Variants in DTNA observed in about 807,000 individuals in gnomAD.
The protein encoded by DTNA is dystrobrevin alpha, also known as dystrophin-related protein 3.
A neutral mutation model predicts 100.7 loss-of-function variants in DTNA; 43 were observed. The ratio of observed to expected loss-of-function variants is 0.43; its 90% CI spans 0.33 to 0.55. The LOEUF is 0.55. Among genes scored for constraint, DTNA ranks in the 20% least tolerant of loss-of-function variants. DTNA has a pLI of 0.04. For synonymous variants in DTNA, 349 were observed against 347.9 expected, an observed-to-expected ratio of 1.00 and a Z score of -0.04; for missense variants, 798 against 953.9, an observed-to-expected ratio of 0.84 and a Z score of 2.15.
At chr18:34,817,861 T>A (rs2095630732) in intron 7 of DTNA, 1 of 1,017,974 alleles carries the variant, frequency 9.8e-7, no homozygotes, top group African/African-American at 1.7e-5. Context: ...CAAGTCTGTT[T>A]GGCTAATTTA....
chr18:34,830,964 A>G (rs1297540848), intron 11 of DTNA, among the ~76,000 whole-genome samples: 1 of 152,154 alleles, frequency 6.6e-6, no homozygotes, highest in Non-Finnish European at 1.5e-5. Context: ...TATTATTATT[A>G]TTGCAGATAT....
At chr18:34,882,595 C>A (rs2096883799) in intron 21 of DTNA, among the ~76,000 whole-genome samples, 1 of 152,070 alleles carries the variant, frequency 6.6e-6, no homozygotes, top group South Asian at 2.1e-4. Context: ...GTCTTGAACT[C>A]CTGACCTCGC....
At chr18:34,852,190 C>A (rs1180711817) in intron 15 of DTNA, among the ~76,000 whole-genome samples, 2 of 152,134 alleles carry the variant, frequency 1.3e-5, no homozygotes, top group African/African-American at 4.8e-5. Flanking sequence ...GACGGTCTCA[C>A]TTCCCTTTTT....
chr18:34,864,378 C>T (rs1005006258), intron 17 of DTNA, among the ~76,000 whole-genome samples: 3 of 151,924 alleles, frequency 2.0e-5, no homozygotes, highest in Non-Finnish European at 2.9e-5. Flanking sequence ...AGCCCCCCGC[C>T]GAGTAGCTGG....
intron 3 of DTNA, among the ~76,000 whole-genome samples, chr18:34,771,762 T>C (rs957596966): frequency 1.3e-5 from 2 of 152,210 alleles, no homozygotes; most frequent in African/African-American, 4.8e-5. Context: ...TTCTAATCAG[T>C]AGTCTTCTCT....
At chr18:34,759,720 C>T (rs1012148695) in intron 2 of DTNA, among the ~76,000 whole-genome samples, 2 of 152,158 alleles carry the variant, frequency 1.3e-5, no homozygotes, top group East Asian at 1.9e-4. Context: ...TTCACTCTGT[C>T]GCCCAGGCTG....
At position 34,794,049 on chromosome 18, in the gene DTNA, A is replaced by G; in HGVS notation, c.161A>G (p.Asp54Gly). The G allele has an allele frequency of 6.2e-7, 1 of 1,614,052 alleles. No homozygotes were observed. Among genetic ancestry groups the G allele is most frequent in the Non-Finnish European group, 8.5e-7 (1 of 1,179,986 alleles). ...GCTTTAATTGTAGTGCACCTGGTGG[A>G]CATATGGAATGTCATAGAAGCATTG... ...VQKKCNLHLV[D>G]IWNVIEALRE... The change falls in exon 4 of 23, where the codon GAC becomes GGC. Residue 54 changes from aspartate to glycine, a missense_variant. Asp to Gly is a moderately conservative substitution (Grantham distance 94, BLOSUM62 -1). Transcript: ENST00000444659.
intron 19 of DTNA, 30 bp from the exon 20 acceptor site, chr18:34,879,521 A>G: frequency 6.2e-7 from 1 of 1,613,060 alleles, no homozygotes; most frequent in African/African-American, 1.3e-5. Flanking sequence ...CTAACGAGTC[A>G]TTCTTTATTT....
chr18:34,866,980 C>CAA (rs398032444), intron 17 of DTNA: 4 of 989,586 alleles, frequency 4.0e-6, no homozygotes, highest in Non-Finnish European at 5.0e-6. Context: ...GCAGCAAACT[C>CAA]AAAAAAAAAA....
At chr18:34,849,382 A>G (rs947121791) in intron 14 of DTNA, among the ~76,000 whole-genome samples, 1 of 152,180 alleles carries the variant, frequency 6.6e-6, no homozygotes, top group Admixed American at 6.5e-5. Flanking sequence ...CCATGCATAT[A>G]CTTCTATAAA....
At chr18:34,753,361 A>ATTTATTTTTTT (rs1568412397) in intron 1 of DTNA, among the ~76,000 whole-genome samples, 8 of 96,902 alleles carry the variant, frequency 8.3e-5, no homozygotes, top group African/African-American at 3.7e-4. Flanking sequence ...TTATTTATTT[A>ATTTATTTTTTT]TTTTATTTTT....
At chr18:34,676,995 A>G (rs556007821) in intron 1 of DTNA, among the ~76,000 whole-genome samples, 1 of 152,206 alleles carries the variant, frequency 6.6e-6, no homozygotes, top group Non-Finnish European at 1.5e-5. Flanking sequence ...CCCTCAGGTG[A>G]AAGAAAGAGT....
At chr18:34,498,846 C>G (rs1049121575) in intron 1 of DTNA, among the ~76,000 whole-genome samples, 2 of 152,160 alleles carry the variant, frequency 1.3e-5, no homozygotes, top group African/African-American at 4.8e-5. Context: ...TCATACTATA[C>G]ATTTATTTTG....
intron 11 of DTNA, among the ~76,000 whole-genome samples, chr18:34,830,652 T>A (rs1200567305): frequency 1.3e-5 from 2 of 152,204 alleles, no homozygotes; most frequent in African/African-American, 4.8e-5. Flanking sequence ...TCTCCCTTGG[T>A]CCTTCGAAGT....
At chr18:34,866,687 ATG>A (rs1281889134) in intron 17 of DTNA, 1 of 996,472 alleles carries the variant, frequency 1.0e-6, no homozygotes, top group Admixed American at 5.5e-5. Context: ...GCTCACCAAA[ATG>A]TGCTCAATTT....
chr18:34,582,397 G>A (rs2048733947), intron 1 of DTNA, among the ~76,000 whole-genome samples: 1 of 152,162 alleles, frequency 6.6e-6, no homozygotes, highest in African/African-American at 2.4e-5. Context: ...CATGCTCAGA[G>A]CTTGGTTAGA....
intron 1 of DTNA, among the ~76,000 whole-genome samples, chr18:34,667,573 CTCT>C (rs2076119914): frequency 6.6e-6 from 1 of 152,116 alleles, no homozygotes; most frequent in African/African-American, 2.4e-5. Flanking sequence ...TCATAAATAG[CTCT>C]TATTATTTTT....
chr18:34,752,373 G>A (rs1398785801), intron 1 of DTNA, among the ~76,000 whole-genome samples: 3 of 152,182 alleles, frequency 2.0e-5, no homozygotes, highest in Non-Finnish European at 2.9e-5. Context: ...TCTTTCAAAG[G>A]CAGTGAGAAT....
At chr18:34,852,079 G>A (rs1297635673) in intron 15 of DTNA, 151 bp downstream of exon 15, 1 of 817,842 alleles carries the variant, frequency 1.2e-6, no homozygotes, top group African/African-American at 1.7e-5. Context: ...CCAAAAAGCT[G>A]GTCTTTAGAT....
Sources: allele counts gnomAD v4.1 joint callset (sites outside exome capture counted in the v4.1 genomes callset), GRCh38; gene constraint gnomAD v4.1.1; transcripts MANE v1.5; gene names NCBI Gene and HGNC (gene_info 2026-07-23, HGNC 2026-07-21).